Variants in CYP7B1 observed in about 807,000 individuals in gnomAD.
CYP7B1 encodes cytochrome P450 family 7 subfamily B member 1.
CYP7B1 carries 29 observed loss-of-function variants against 42.7 expected under a neutral mutation model. The ratio of observed to expected loss-of-function variants is 0.68; its 90% CI spans 0.51 to 0.93. CYP7B1 has a LOEUF of 0.93. CYP7B1 is among the 40% of genes least tolerant of loss of function. The probability of loss-of-function intolerance (pLI) is 0.00; values close to 1 mark genes in which losing one functional copy is unlikely to be tolerated. For synonymous variants in CYP7B1, 235 were observed against 218.2 expected, an observed-to-expected ratio of 1.08 and a Z score of -0.68; for missense variants, 655 against 600.5, an observed-to-expected ratio of 1.09 and a Z score of -0.95.
intron 1 of CYP7B1, among the ~76,000 whole-genome samples, chr8:64,743,399 AT>A (rs71260900): frequency 0.26 from 40,288 of 152,086 alleles, 5,980 homozygotes; most frequent in African/African-American, 0.4. Context: ...AGCATACCAT[AT>A]TAATTTGTTA....
At chr8:64,784,892 T>C (rs1383725225) in intron 1 of CYP7B1, among the ~76,000 whole-genome samples, 2 of 152,112 alleles carry the variant, frequency 1.3e-5, no homozygotes, top group Non-Finnish European at 2.9e-5. Context: ...TTGGACTTGA[T>C]TAAAATTAAA....
intron 1 of CYP7B1, among the ~76,000 whole-genome samples, chr8:64,781,464 T>C (rs994501103): frequency 3.3e-5 from 5 of 152,144 alleles, no homozygotes; most frequent in African/African-American, 1.2e-4. Context: ...TGAATTCCTT[T>C]CTGGAGGCTC....
Position 64,691,766 on chromosome 8 carries a change from T to A in CYP7B1, c.123-67227A>T, listed in dbSNP as rs572872043. On this transcript the variant is annotated intron_variant, in intron 1 of 5. Coordinates refer to ENST00000310193, the MANE Select transcript of CYP7B1 (RefSeq NM_004820.5). Reference sequence around the variant, plus strand: ...CCCTTACTGCTCATCCAGTCCAACCTCCCCCATCTGCAGTGGAGTTAAGTG... The same window carrying A: ...CCCTTACTGCTCATCCAGTCCAACCACCCCCATCTGCAGTGGAGTTAAGTG... Among the ~76,000 whole-genome samples, 418 of 151,906 alleles carry A rather than the reference T, an allele frequency of 2.8e-3. 1 individual carries two copies. The highest frequency in any genetic ancestry group is 4.8e-3 in the Non-Finnish European group (327 of 67,942).
At chr8:64,655,176 CT>C (rs1806103550) in intron 1 of CYP7B1, among the ~76,000 whole-genome samples, 1 of 152,146 alleles carries the variant, frequency 6.6e-6, no homozygotes, top group African/African-American at 2.4e-5. Flanking sequence ...CAAACAGGAT[CT>C]AAGTAAAACT....
intron 1 of CYP7B1, among the ~76,000 whole-genome samples, chr8:64,695,178 A>C (rs962630209): frequency 2.0e-5 from 3 of 152,148 alleles, no homozygotes; most frequent in Non-Finnish European, 4.4e-5. Context: ...AGGTGGTTTC[A>C]GCTCAGTTCC....
intron 1 of CYP7B1, among the ~76,000 whole-genome samples, chr8:64,674,262 T>C (rs1195071071): frequency 1.3e-5 from 2 of 152,148 alleles, no homozygotes; most frequent in Non-Finnish European, 2.9e-5. Context: ...ATACTTCCGA[T>C]TCATTGCCAT....
chr8:64,726,323 T>C (rs1807324053), intron 1 of CYP7B1, among the ~76,000 whole-genome samples: 1 of 152,224 alleles, frequency 6.6e-6, no homozygotes, highest in Non-Finnish European at 1.5e-5. Flanking sequence ...ACTGATGATG[T>C]ACGTTGGGGG....
chr8:64,690,125 C>T (rs183367975), intron 1 of CYP7B1, among the ~76,000 whole-genome samples: 91 of 152,250 alleles, frequency 6.0e-4, no homozygotes, highest in African/African-American at 1.9e-3. Flanking sequence ...GGGCCAAGCA[C>T]GGTGGCTCAC....
intron 1 of CYP7B1, among the ~76,000 whole-genome samples, chr8:64,660,428 C>T (rs1251790776): frequency 1.3e-5 from 2 of 152,166 alleles, no homozygotes; most frequent in Non-Finnish European, 2.9e-5. Flanking sequence ...ATCAAGTATA[C>T]ACAATGAATG....
intron 1 of CYP7B1, among the ~76,000 whole-genome samples, chr8:64,764,237 C>CCA (rs1807937674): frequency 7.2e-6 from 1 of 138,790 alleles, no homozygotes; most frequent in Non-Finnish European, 1.6e-5. Context: ...CTGCCCCCCC[C>CCA]ACCCCCTTCC....
chr8:64,715,614 T>C (rs1807143410), intron 1 of CYP7B1, among the ~76,000 whole-genome samples: 1 of 152,138 alleles, frequency 6.6e-6, no homozygotes. Context: ...CCTACAAAAA[T>C]CCTCATAATA....
chr8:64,684,951 G>A (rs934776151), intron 1 of CYP7B1, among the ~76,000 whole-genome samples: 6 of 152,168 alleles, frequency 3.9e-5, no homozygotes. Flanking sequence ...CCAGGATATG[G>A]AGAAATCAGA....
chr8:64,702,166 T>C (rs1305408294), intron 1 of CYP7B1, among the ~76,000 whole-genome samples: 3 of 152,016 alleles, frequency 2.0e-5, no homozygotes, highest in Admixed American at 2.0e-4. Flanking sequence ...TCAAACCAAA[T>C]GGACTTAGCC....
intron 1 of CYP7B1, among the ~76,000 whole-genome samples, chr8:64,768,656 A>G (rs1358742134): frequency 2.0e-5 from 3 of 152,218 alleles, no homozygotes; most frequent in African/African-American, 7.2e-5. Flanking sequence ...CTCATGTCAA[A>G]CTATGAGATA....
chr8:64,711,640 G>A (rs188054852), intron 1 of CYP7B1, among the ~76,000 whole-genome samples: 1 of 152,266 alleles, frequency 6.6e-6, no homozygotes, highest in African/African-American at 2.4e-5. Flanking sequence ...AGTTAAGTGG[G>A]GAATTTACCC....
intron 2 of CYP7B1, among the ~76,000 whole-genome samples, chr8:64,621,480 C>T (rs1190094858): frequency 6.6e-6 from 1 of 152,142 alleles, no homozygotes. Flanking sequence ...CAATAACATT[C>T]TGGCAGAAAG....
intron 1 of CYP7B1, among the ~76,000 whole-genome samples, chr8:64,655,411 T>C (rs1194816350): frequency 6.6e-6 from 1 of 151,900 alleles, no homozygotes; most frequent in African/African-American, 2.4e-5. Flanking sequence ...CCAACAAGCG[T>C]ATGAAAAAAA....
At position 64,604,821 on chromosome 8, in the gene CYP7B1, T is replaced by C. The variant is rs1805254339; in HGVS notation, c.1094A>G (p.Tyr365Cys). ...SIFEALRLSS[Y>C]STTIRFVEED... is the part of the protein sequence containing the mutation. ...CTCAACAAAACGAATGGTGGTTGAA[T>C]ATGAGGACAGTCGTAAAGCTTCAAA... The change falls in exon 5 of 6, where the codon TAT becomes TGT. Residue 365 changes from tyrosine to cysteine, a missense_variant. Tyr to Cys is a radical substitution (Grantham distance 194). Transcript: ENST00000310193. The C allele has an allele frequency of 6.2e-7, 1 of 1,614,112 alleles. No individual in the cohort carries two copies. The highest frequency in any genetic ancestry group is 1.1e-5 in the South Asian group (1 of 91,070).
intron 1 of CYP7B1, among the ~76,000 whole-genome samples, chr8:64,652,081 G>T (rs1172052490): frequency 1.3e-5 from 2 of 152,158 alleles, no homozygotes; most frequent in Non-Finnish European, 2.9e-5. Context: ...TTGAGATAAA[G>T]AAATCTAATG....
Sources: gnomAD v4.1 joint callset for allele counts (sites outside exome capture counted in the v4.1 genomes callset) on GRCh38, gnomAD v4.1.1 for gene constraint, MANE v1.5 for transcripts, NCBI Gene and HGNC (gene_info 2026-07-23, HGNC 2026-07-21) for gene names.